INPP4B: variants seen among roughly 807,000 people sequenced by gnomAD.
INPP4B encodes the protein inositol polyphosphate 4-phosphatase type II.
In INPP4B, 55 loss-of-function variants were observed where a neutral mutation model predicts 122.5. The ratio of observed to expected loss-of-function variants is 0.45; its 90% CI spans 0.36 to 0.56. The LOEUF is 0.56. Among genes scored for constraint, INPP4B ranks in the 20% least tolerant of loss-of-function variants. INPP4B has a pLI of 0.00. For missense variants in INPP4B, 1,000 were observed against 1,097.7 expected, an observed-to-expected ratio of 0.91 and a Z score of 1.26; for synonymous variants, 403 against 388.7, an observed-to-expected ratio of 1.04 and a Z score of -0.43.
At position 142,118,748 on chromosome 4, in the gene INPP4B, A is replaced by T. The variant is rs111645531; in HGVS notation, c.2135+3380T>A. ...CATAGGCATGGGCAAGGACTTCATG[A>T]CTAAAACACCAAAAGCAATGGCAAC... On this transcript the variant is annotated intron_variant, in intron 21 of 25. Transcript: ENST00000262992. Among the ~76,000 whole-genome samples the T allele has an allele frequency of 3.9e-5, 6 of 152,286 alleles. No individual in the cohort carries two copies. In the South Asian group the frequency reaches 8.3e-4, roughly 21 times the overall value.
chr4:142,806,847 GAA>G (rs1491157652), intron 1 of INPP4B, among the ~76,000 whole-genome samples: 7 of 149,830 alleles, frequency 4.7e-5, no homozygotes, highest in African/African-American at 1.2e-4. Context: ...AAGAAAGAAA[GAA>G]AGGAGAAGAA....
chr4:142,140,151 ATG>A (rs1806999747), intron 18 of INPP4B, among the ~76,000 whole-genome samples: 3 of 152,252 alleles, frequency 2.0e-5, no homozygotes, highest in Non-Finnish European at 4.4e-5. Context: ...AAGCAATGAT[ATG>A]TGGACTAATT....
At chr4:142,048,868 TA>T (rs1191420958) in intron 25 of INPP4B, among the ~76,000 whole-genome samples, 1 of 151,930 alleles carries the variant, frequency 6.6e-6, no homozygotes, top group African/African-American at 2.4e-5. Context: ...AATATTGAAA[TA>T]ATCAAGGTGT....
chr4:142,625,926 C>A (rs1482850951), intron 2 of INPP4B, among the ~76,000 whole-genome samples: 2 of 152,102 alleles, frequency 1.3e-5, no homozygotes, highest in Non-Finnish European at 2.9e-5. Flanking sequence ...AACTGGCTAG[C>A]CATATGTAGA....
At chr4:142,462,446 G>A (rs892476492) in intron 3 of INPP4B, among the ~76,000 whole-genome samples, 1 of 151,972 alleles carries the variant, frequency 6.6e-6, no homozygotes, top group African/African-American at 2.4e-5. Context: ...GCCTAGGCTA[G>A]GCCTGGCCTA....
At chr4:142,543,420 G>T (rs1419292078) in intron 2 of INPP4B, among the ~76,000 whole-genome samples, 1 of 152,036 alleles carries the variant, frequency 6.6e-6, no homozygotes, top group African/African-American at 2.4e-5. Flanking sequence ...TTCCCCTTTA[G>T]CTTAATAATC....
At chr4:142,189,845 A>G (rs1226509458) in intron 15 of INPP4B, among the ~76,000 whole-genome samples, 1 of 152,084 alleles carries the variant, frequency 6.6e-6, no homozygotes, top group Non-Finnish European at 1.5e-5. Context: ...ATAAGTATGG[A>G]CTCCTCAAAG....
chr4:142,367,077 A>G (rs570950797), intron 7 of INPP4B, among the ~76,000 whole-genome samples: 1 of 152,224 alleles, frequency 6.6e-6, no homozygotes, highest in African/African-American at 2.4e-5. Context: ...AGCTGAAGCC[A>G]GAAGTAGGGC....
Position 142,083,047 on chromosome 4 carries a change from G to A in INPP4B, c.2488-862C>T, listed in dbSNP as rs146119094. On this transcript the variant is annotated intron_variant, in intron 24 of 25. Coordinates refer to ENST00000262992, the MANE Select transcript of INPP4B (RefSeq NM_001101669.3). ...AGTCTGAGGTGGGAGGATTACTTGA[G>A]CCTGTGATCATGCCACTGCACTGCA... Among the ~76,000 whole-genome samples the A allele has an allele frequency of 5.9e-5, 9 of 151,360 alleles. No homozygotes were observed. In the East Asian group the frequency reaches 1.8e-3, roughly 29 times the overall value.
intron 23 of INPP4B, among the ~76,000 whole-genome samples, chr4:142,089,626 A>T (rs1778546779): frequency 7.4e-6 from 1 of 135,372 alleles, no homozygotes; most frequent in African/African-American, 2.6e-5. Context: ...TATCAAAAAT[A>T]CCTCAATTTA....
intron 14 of INPP4B, among the ~76,000 whole-genome samples, chr4:142,207,614 C>A (rs1218409349): frequency 6.6e-6 from 1 of 152,014 alleles, no homozygotes; most frequent in Non-Finnish European, 1.5e-5. Flanking sequence ...CAGCATTAGT[C>A]GTTTACACGG....
chr4:142,099,341 G>T (rs909291538), intron 23 of INPP4B, among the ~76,000 whole-genome samples: 20 of 152,044 alleles, frequency 1.3e-4, no homozygotes, highest in Non-Finnish European at 2.8e-4. Flanking sequence ...AACAATATAT[G>T]AAGAATTCCT....
At chr4:142,060,319 G>A (rs1447721318) in intron 25 of INPP4B, among the ~76,000 whole-genome samples, 1 of 152,046 alleles carries the variant, frequency 6.6e-6, no homozygotes, top group African/African-American at 2.4e-5. Flanking sequence ...CTTACTTGAT[G>A]CCTAGAGCCA....
intron 2 of INPP4B, among the ~76,000 whole-genome samples, chr4:142,548,262 C>T (rs753744122): frequency 2.0e-5 from 3 of 152,130 alleles, no homozygotes; most frequent in Non-Finnish European, 4.4e-5. Context: ...GAGTCACAGA[C>T]TCAATGGCTA....
Position 142,119,862 on chromosome 4 carries a change from CTA to C in INPP4B, c.2135+2264_2135+2265del, listed in dbSNP as rs1254003732. On this transcript the variant is annotated intron_variant, in intron 21 of 25. Transcript: ENST00000262992. ...ATACATATATACGTATATATGAGTT[CTA>C]TATATATATACATATATACGTATAT... Among the ~76,000 whole-genome samples the C allele has an allele frequency of 9.9e-3, 1,457 of 147,794 alleles. 25 individuals carry two copies. Among genetic ancestry groups the C allele is most frequent in the African/African-American group, 0.034 (1,345 of 40,028 alleles).
chr4:142,144,992 T>G (rs536441437), intron 18 of INPP4B, among the ~76,000 whole-genome samples: 10 of 152,166 alleles, frequency 6.6e-5, no homozygotes, highest in Non-Finnish European at 1.2e-4. Context: ...CTCCAAACAC[T>G]TAAAGTACCC....
intron 11 of INPP4B, among the ~76,000 whole-genome samples, chr4:142,245,810 ATG>A (rs1469473394): frequency 7.6e-6 from 1 of 132,084 alleles, no homozygotes; most frequent in Admixed American, 7.7e-5. Flanking sequence ...ATATATGTGT[ATG>A]TATACATATA....
chr4:142,050,117 G>A (rs1278050636), intron 25 of INPP4B, among the ~76,000 whole-genome samples: 2 of 151,878 alleles, frequency 1.3e-5, no homozygotes, highest in Non-Finnish European at 2.9e-5. Flanking sequence ...GGCTCAAATA[G>A]TTTTATTTTA....
chr4:142,628,124 C>G (rs1027002461), intron 2 of INPP4B, among the ~76,000 whole-genome samples: 9 of 151,036 alleles, frequency 6.0e-5, no homozygotes, highest in African/African-American at 1.7e-4. Context: ...ATGTTTATTG[C>G]GGCATTATTC....
Sources: allele counts gnomAD v4.1 joint callset (sites outside exome capture counted in the v4.1 genomes callset), GRCh38; gene constraint gnomAD v4.1.1; transcripts MANE v1.5; gene names NCBI Gene and HGNC (gene_info 2026-07-23, HGNC 2026-07-21).